TAS1R2: variants seen among roughly 807,000 people sequenced by gnomAD.
TAS1R2 encodes the protein taste receptor type 1 member 2.
Under a neutral mutation model 49.3 loss-of-function variants are expected in TAS1R2, and 47 were observed. The observed-to-expected ratio is 0.95, with a 90% confidence interval of 0.75 to 1.22. The LOEUF is 1.22. TAS1R2 is among the 50% of genes most tolerant of loss of function. TAS1R2 has a pLI of 0.00. For missense variants in TAS1R2, 1,155 were observed against 1,122.1 expected (o/e 1.03, Z -0.42); for synonymous variants, 479 against 467.9 (o/e 1.02, Z -0.31).
chr1:18,845,296 G>T (rs559861898), intron 4 of TAS1R2, among the ~76,000 whole-genome samples: 4 of 152,138 alleles, frequency 2.6e-5, no homozygotes, highest in Non-Finnish European at 5.9e-5. Flanking sequence ...CATACTAAAA[G>T]CTCAGCTAAG....
intron 5 of TAS1R2, among the ~76,000 whole-genome samples, chr1:18,841,091 T>C (rs1933816040): frequency 1.3e-5 from 2 of 152,248 alleles, no homozygotes; most frequent in Admixed American, 6.5e-5. Flanking sequence ...AATACTTGCA[T>C]TGGTAAATGT....
chr1:18,844,571 T>A (rs977138920), intron 4 of TAS1R2, among the ~76,000 whole-genome samples: 1 of 152,110 alleles, frequency 6.6e-6, no homozygotes, highest in Non-Finnish European at 1.5e-5. Context: ...CTGGCCAACA[T>A]GGCGAAATGC....
intron 4 of TAS1R2, among the ~76,000 whole-genome samples, chr1:18,844,942 C>T (rs1933891049): frequency 6.6e-6 from 1 of 152,168 alleles, no homozygotes; most frequent in South Asian, 2.1e-4. Flanking sequence ...TTGCAGAACA[C>T]CTAACATTCC....
rs1212738965 is a variant in TAS1R2, at chr1:18,854,331, G to A, written c.1139C>T (p.Ser380Phe). The A allele has an allele frequency of 6.2e-7, 1 of 1,613,996 alleles. No individual in the cohort carries two copies. Among genetic ancestry groups the A allele is most frequent in the Admixed American group, 1.7e-5 (1 of 60,004 alleles). ...CACGCTGTAGACGACACGCTCCCCA[G>A]AGAGCCTGAGAATGGTGTTGAAGGA... is the stretch of plus-strand genomic sequence containing the variant. Residue 380 changes from serine (S) to phenylalanine (F), a missense_variant, in exon 3 of 6, where the codon TCT becomes TTT. By Grantham distance (155) the Ser-to-Phe change is radical. Coordinates refer to ENST00000375371, the Ensembl canonical transcript of TAS1R2. The surrounding 1 kb of genome is among the most constrained non-coding windows in gnomAD (Gnocchi z 4.9).
exon 2 of TAS1R2, chr1:18,857,556 G>A: frequency 6.2e-7 from 1 of 1,614,216 alleles, no homozygotes; most frequent in East Asian, 2.2e-5. Flanking sequence ...GCAGCAGGCT[G>A]CTGTCATTGT....
chr1:18,841,960 C>T (rs899040494), intron 4 of TAS1R2, 108 bp from the exon 5 acceptor site: 3 of 1,145,818 alleles, frequency 2.6e-6, no homozygotes, highest in Admixed American at 2.7e-5. Context: ...TAGAAGCCCC[C>T]TAGGTTTTGG....
At chr1:18,857,079 A>G (rs1250160285) in intron 2 of TAS1R2, among the ~76,000 whole-genome samples, 1 of 152,236 alleles carries the variant, frequency 6.6e-6, no homozygotes, top group Non-Finnish European at 1.5e-5. Context: ...AAGAGTCAAG[A>G]GATTTGCCAA....
intron 3 of TAS1R2, among the ~76,000 whole-genome samples, chr1:18,853,690 C>A (rs749918543): frequency 1.3e-5 from 2 of 152,086 alleles, no homozygotes; most frequent in Non-Finnish European, 2.9e-5. Context: ...ATAAAGTGTG[C>A]GTCTCTAATG....
exon 4 of TAS1R2, chr1:18,849,367 T>A (rs780989822): frequency 1.2e-6 from 2 of 1,613,882 alleles, no homozygotes; most frequent in Non-Finnish European, 1.7e-6. Flanking sequence ...TGCCAGGAGA[T>A]GTCTTGGATG....
intron 2 of TAS1R2, 45 bp from the exon 3 acceptor site, chr1:18,855,031 G>C (rs916428697): frequency 8.9e-6 from 14 of 1,574,228 alleles, no homozygotes; most frequent in Non-Finnish European, 1.2e-5. Context: ...CCCGCTGGGT[G>C]CTCTGCCCCC....
exon 5 of TAS1R2, chr1:18,841,832 G>A (rs267598253): frequency 1.2e-6 from 2 of 1,611,990 alleles, no homozygotes; most frequent in Non-Finnish European, 1.7e-6. Context: ...GGCACCTCTT[G>A]GAACACATGG....
At chr1:18,852,767 G>A (rs1045797050) in intron 3 of TAS1R2, among the ~76,000 whole-genome samples, 2 of 152,218 alleles carry the variant, frequency 1.3e-5, no homozygotes, top group Non-Finnish European at 2.9e-5. Flanking sequence ...TCCAGTGCCT[G>A]TTCACTCCCT....
exon 6 of TAS1R2, chr1:18,840,100 G>T: frequency 6.2e-7 from 1 of 1,614,272 alleles, no homozygotes; most frequent in Non-Finnish European, 8.5e-7. Context: ...CCTGGTAGCG[G>T]ACCCAGTAGC....
intron 4 of TAS1R2, among the ~76,000 whole-genome samples, chr1:18,844,400 T>A (rs12409115): frequency 0.3 from 46,315 of 152,054 alleles, 7,700 homozygotes; most frequent in Non-Finnish European, 0.37. Context: ...GATCTCTGTG[T>A]CTCATGTTAA....
At chr1:18,841,636 G>C (rs1470070234) in intron 5 of TAS1R2, 93 bp downstream of exon 5, 4 of 1,503,682 alleles carry the variant, frequency 2.7e-6, no homozygotes, top group Non-Finnish European at 3.6e-6. Flanking sequence ...GTACTCCAGA[G>C]ACCCTGCCAA....
intron 3 of TAS1R2, among the ~76,000 whole-genome samples, chr1:18,850,585 G>A (rs1934003195): frequency 6.6e-6 from 1 of 152,274 alleles, no homozygotes; most frequent in Admixed American, 6.5e-5. Flanking sequence ...GGAGGCCCCT[G>A]GGAATCAGGT....
exon 2 of TAS1R2, chr1:18,857,549 G>A (rs370744575): frequency 6.2e-6 from 10 of 1,614,090 alleles, no homozygotes; most frequent in Non-Finnish European, 7.6e-6. Context: ...ACACCAGGCA[G>A]CAGGCTGCTG....
chr1:18,843,898 C>T (rs966781441), intron 4 of TAS1R2, among the ~76,000 whole-genome samples: 4 of 152,188 alleles, frequency 2.6e-5, no homozygotes, highest in African/African-American at 4.8e-5. Context: ...CCAAGAAGCG[C>T]CAGTGGGTCC....
chr1:18,853,938 C>A (rs914596110), intron 3 of TAS1R2, among the ~76,000 whole-genome samples: 15 of 152,304 alleles, frequency 9.8e-5, no homozygotes, highest in Admixed American at 4.6e-4. Context: ...AGGCTCTCAA[C>A]CTTGGAGAGA....
Sources: allele counts gnomAD v4.1 joint callset (sites outside exome capture counted in the v4.1 genomes callset), GRCh38; gene constraint gnomAD v4.1.1; non-coding constraint Gnocchi (gnomAD v3.1); transcripts MANE v1.5; gene names NCBI Gene and HGNC (gene_info 2026-07-23, HGNC 2026-07-21).